The following DNHD1 variants were observed in gnomAD, a reference collection of about 807,000 sequenced individuals.
The protein encoded by DNHD1 is dynein heavy chain domain-containing protein 1.
DNHD1 carries 383 observed loss-of-function variants against 458.1 expected under a neutral mutation model. That is an observed-to-expected ratio of 0.84 (90% CI 0.77 to 0.91). The LOEUF (loss-of-function observed/expected upper bound fraction) is 0.91, where lower values mean the gene tolerates loss of function less well. DNHD1 is among the 40% of genes least tolerant of loss of function. The pLI is 0.00. For missense variants in DNHD1, 5,336 were observed against 5,866.1 expected (o/e 0.91, Z 2.95); for synonymous variants, 2,203 against 2,376.9 (o/e 0.93, Z 2.13).
rs370031934 is a variant in DNHD1 at position 6,567,324 on chromosome 11, G to A, written c.11815G>A (p.Ala3939Thr). ...TQVPLVGALG[A>T]LALLQATGKA... Reference sequence around the variant, plus strand: ...AGTACCCTTGGTGGGTGCATTGGGCGCTTTGGCTCTGCTGCAAGCAACAGG... The same window carrying A: ...AGTACCCTTGGTGGGTGCATTGGGCACTTTGGCTCTGCTGCAAGCAACAGG... Residue 3939 changes from alanine to threonine, a missense_variant, in exon 36 of 43, where the codon GCT (alanine) becomes ACT (threonine). Ala to Thr is a moderately conservative substitution (Grantham distance 58, BLOSUM62 0). Transcript: ENST00000254579. 1.4e-4 allele frequency: 233 copies of A among 1,613,936 alleles called. No individual in the cohort carries two copies. Among genetic ancestry groups the A allele is most frequent in the Non-Finnish European group, 1.1e-4 (124 of 1,179,906 alleles).
Position 6,559,209 on chromosome 11 carries a change from A to T in DNHD1, c.9445A>T (p.Met3149Leu), listed in dbSNP as rs1297810329. Residue 3149 changes from methionine (M) to leucine (L), a missense_variant, in exon 28 of 43, where the codon ATG becomes TTG. Around this residue, in one of 4 missense-constraint regions of DNHD1, gnomAD observed 3,932 missense variants for 4,365.6 expected, o/e 0.90. Coordinates refer to ENST00000254579, the MANE Select transcript of DNHD1 (RefSeq NM_144666.3). ...RVQNALENLR[M>L]LIKEHGTHAN... Reference sequence around the variant, plus strand: ...CCAGAATGCCTTGGAGAATCTGAGAATGCTGATTAAGGAGCACGGTACCCA... The same window carrying T: ...CCAGAATGCCTTGGAGAATCTGAGATTGCTGATTAAGGAGCACGGTACCCA... 1 of 1,551,552 alleles carries T rather than the reference A, an allele frequency of 6.4e-7. No individual in the cohort carries two copies. Among genetic ancestry groups the T allele is most frequent in the East Asian group, 2.4e-5 (1 of 40,932 alleles).
At chr11:6,508,814 C>T in intron 4 of DNHD1, 66 bp from the exon 5 acceptor site, 1 of 1,510,046 alleles carries the variant, frequency 6.6e-7, no homozygotes. Flanking sequence ...CCTGTATCCT[C>T]CTTTGGTCTC....
Position 6,571,493 on chromosome 11 carries a change from C to T in DNHD1, c.13911+70C>T. 4.7e-6 allele frequency: 7 copies of T among 1,475,948 alleles called. No individual in the cohort carries two copies. The highest frequency in any genetic ancestry group is 6.3e-6 in the Non-Finnish European group (7 of 1,106,598). 91.4% of individuals were successfully genotyped at this position (1,475,948 alleles called of 1,614,324 possible). A position where few individuals can be genotyped will look rare whatever the true frequency, so the allele number is the denominator to read the frequency against. Reference sequence around the variant, plus strand: ...GTCTCTAATTACACCTCGCAGTTACCCCTTCTTGGTGATCTTGCCCCCGGT... The same window carrying T: ...GTCTCTAATTACACCTCGCAGTTACTCCTTCTTGGTGATCTTGCCCCCGGT... On this transcript the variant is annotated intron_variant, in intron 42 of 42. Coordinates refer to ENST00000254579, the MANE Select transcript of DNHD1 (RefSeq NM_144666.3). The surrounding 1 kb of genome is among the most constrained non-coding windows in gnomAD (Gnocchi z 5.0).
At chr11:6,504,203 C>T (rs1048135329) in intron 4 of DNHD1, 1 of 152,200 alleles carries the variant, frequency 6.6e-6, no homozygotes, top group African/African-American at 2.4e-5. Flanking sequence ...CTGAGAGCAT[C>T]CTGCTGGTTA....
chr11:6,539,896 A>G lies in DNHD1; in HGVS notation c.3441A>G (p.Glu1147=), dbSNP rs1251210445. The stretch of plus-strand genomic sequence containing the variant: ...TCCAGGTCTGGCAGAATGAAAATGA[A>G]CGAATTCATGCCCAAGAGACTATAC... ...RINQVWQNEN[E]RIHAQETIRR... Residue 1147 remains glutamate, a synonymous_variant, in exon 18 of 43, where the codon GAA becomes GAG. Coordinates refer to ENST00000254579, the MANE Select transcript of DNHD1 (RefSeq NM_144666.3). 3 of 1,551,702 alleles carry G rather than the reference A, an allele frequency of 1.9e-6. No individual in the cohort carries two copies. Among genetic ancestry groups the G allele is most frequent in the Middle Eastern group, 3.3e-4 (2 of 5,992 alleles).
At chr11:6,516,367 G>C (rs73403002) in intron 7 of DNHD1, among the ~76,000 whole-genome samples, 229 of 143,410 alleles carry the variant, frequency 1.6e-3, no homozygotes, top group African/African-American at 5.8e-3. Context: ...AATCTTGGTT[G>C]GCTCACTGCA....
At chr11:6,527,926 T>C (rs1852742525) in intron 10 of DNHD1, among the ~76,000 whole-genome samples, 3 of 152,230 alleles carry the variant, frequency 2.0e-5, no homozygotes. Flanking sequence ...GACTGGCATG[T>C]TCAATATTCA....
chr11:6,538,508 A>G lies in DNHD1; in HGVS notation c.3124A>G (p.Lys1042Glu). 6.4e-7 allele frequency: 1 copy of G among 1,551,772 alleles called. No individual in the cohort carries two copies. Residue 1042 changes from lysine to glutamate, a missense_variant and splice_region_variant, in exon 15 of 43, where the codon AAG becomes GAG. Lys to Glu is a moderately conservative substitution (Grantham distance 56). Around this residue, in one of 4 missense-constraint regions of DNHD1, gnomAD observed 3,932 missense variants for 4,365.6 expected, o/e 0.90. Transcript: ENST00000254579. ...ISEWKCMAFA[K>E]FSPAMAQEKT... ...CGAGTGGAAGTGCATGGCTTTTGCC[A>G]AGGTGCTGACACCCTTCCTTGGAGC...
intron 7 of DNHD1, among the ~76,000 whole-genome samples, chr11:6,512,211 C>CT (rs11287049): frequency 0.074 from 6,770 of 91,528 alleles, 805 homozygotes; most frequent in Non-Finnish European, 0.095. Context: ...CTTTTTCTTT[C>CT]TTTTTTTTTT....
rs1853626632 is a variant in DNHD1 at position 6,563,492 on chromosome 11, G to A, written c.9780G>A (p.Met3260Ile). Residue 3260 changes from methionine to isoleucine, a missense_variant, in exon 30 of 43, where the codon ATG becomes ATA. Around this residue, in one of 4 missense-constraint regions of DNHD1, gnomAD observed 3,932 missense variants for 4,365.6 expected, o/e 0.90. Transcript: ENST00000254579. ...PESVVRVTDA[M>I]CDLFHHETGW... Reference sequence around the variant, plus strand: ...CTGTGGTCCGGGTAACTGATGCAATGTGTGACTTGTTCCACCATGAAACAG... The same window carrying A: ...CTGTGGTCCGGGTAACTGATGCAATATGTGACTTGTTCCACCATGAAACAG... The A allele has an allele frequency of 2.6e-6, 4 of 1,551,714 alleles. No individual in the cohort carries two copies. Among genetic ancestry groups the A allele is most frequent in the Non-Finnish European group, 3.5e-6 (4 of 1,146,996 alleles).
chr11:6,566,533 AC>A (rs1008283015), intron 34 of DNHD1, 53 bp from the exon 35 acceptor site: 1 of 1,593,240 alleles, frequency 6.3e-7, no homozygotes, highest in Non-Finnish European at 8.6e-7. Flanking sequence ...TGTCTACTCT[AC>A]CCCCTGGCTC....
chr11:6,528,404 G>GTGTGTGTGT lies in DNHD1; in HGVS notation c.1838-118_1838-117insTGTGTGTGT, dbSNP rs1852755294. ...TTAACTCACTCATGAGCAGCGAATG[G>GTGTGTGTGT]GTGTGTGTGTGTGTGTGTGTGTGTG... On this transcript the variant is annotated intron_variant, in intron 10 of 42. Coordinates refer to ENST00000254579, the MANE Select transcript of DNHD1 (RefSeq NM_144666.3). 1.8e-4 allele frequency: 161 copies of GTGTGTGTGT among 881,316 alleles called. No homozygotes were observed. In the South Asian group the frequency reaches 2.7e-3, roughly 15 times the overall value. 54.6% of individuals were successfully genotyped at this position (881,316 alleles called of 1,614,324 possible).
At chr11:6,570,427 T>C in intron 41 of DNHD1, 31 bp downstream of exon 41, 1 of 1,586,292 alleles carries the variant, frequency 6.3e-7, no homozygotes, top group Non-Finnish European at 8.6e-7. Context: ...TGTTTTGGGG[T>C]AGGGAATAGT....
chr11:6,567,394 C>T lies in DNHD1; in HGVS notation c.11885C>T (p.Ala3962Val). The change falls in exon 36 of 43, where the codon GCA (alanine) becomes GTA (valine). Residue 3962 changes from alanine to valine, a missense_variant. Ala to Val is a moderately conservative substitution (Grantham distance 64). Coordinates refer to ENST00000254579, the MANE Select transcript of DNHD1 (RefSeq NM_144666.3). The stretch of plus-strand genomic sequence containing the variant: ...AGACTGGCACTCTGGCCTGGACTAG[C>T]AGCCTCTCCCAGCACAGTCCACAGC... ...LERLALWPGL[A>V]ASPSTVHSKP... 1.2e-6 allele frequency: 2 copies of T among 1,613,656 alleles called. No individual in the cohort carries two copies. Among genetic ancestry groups the T allele is most frequent in the Non-Finnish European group, 1.7e-6 (2 of 1,179,728 alleles).
Position 6,498,939 on chromosome 11 carries a change from C to G in DNHD1, c.724C>G (p.Pro242Ala), listed in dbSNP as rs1484978577. Residue 242 changes from proline to alanine, a missense_variant, in exon 3 of 43, where the codon CCT becomes GCT. Physicochemically the swap from Pro to Ala is conservative, Grantham distance 27. Coordinates refer to ENST00000254579, the MANE Select transcript of DNHD1 (RefSeq NM_144666.3). The part of the protein sequence containing the change: ...SSDTDNAEVE[P>A]VGRKETRSQL... ...TGACACTGACAATGCAGAGGTGGAG[C>G]CTGTTGGAAGAAAAGAGACCAGGTA... 9 of 1,605,680 alleles carry G rather than the reference C, an allele frequency of 5.6e-6. No homozygotes were observed. Among genetic ancestry groups the G allele is most frequent in the South Asian group, 1.1e-5 (1 of 90,022 alleles).
At chr11:6,542,091 C>T (rs1455098887) in intron 18 of DNHD1, among the ~76,000 whole-genome samples, 1 of 152,202 alleles carries the variant, frequency 6.6e-6, no homozygotes, top group African/African-American at 2.4e-5. Flanking sequence ...TGGCACCCAG[C>T]CCCCTTGTTC....
At chr11:6,528,428 T>TGC in intron 10 of DNHD1, 94 bp from the exon 11 acceptor site, 6 of 1,323,220 alleles carry the variant, frequency 4.5e-6, no homozygotes, top group Non-Finnish European at 6.2e-6. Flanking sequence ...TGTGTGTGTG[T>TGC]GTGTGTGTAC....
rs1853263153 is a variant in DNHD1, at chr11:6,548,161, G to A, written c.6906-49G>A. 6.5e-7 allele frequency: 1 copy of A among 1,546,624 alleles called. No individual in the cohort carries two copies. Among genetic ancestry groups the A allele is most frequent in the African/African-American group, 1.4e-5 (1 of 72,920 alleles). ...GGAGTGTGTGAGTGTGTCATAAATGGAAGTGTTGTAACTGTCTGACGCTTT... is the reference window on the plus strand; with the variant it reads ...GGAGTGTGTGAGTGTGTCATAAATGAAAGTGTTGTAACTGTCTGACGCTTT... On this transcript the variant is annotated intron_variant, in intron 22 of 42. Transcript: ENST00000254579. The surrounding 1 kb of genome is among the most constrained non-coding windows in gnomAD (Gnocchi z 4.4).
At chr11:6,500,700 C>T (rs928557996) in intron 3 of DNHD1, among the ~76,000 whole-genome samples, 1 of 152,148 alleles carries the variant, frequency 6.6e-6, no homozygotes, top group Admixed American at 6.5e-5. Flanking sequence ...GCTTAATTTG[C>T]ATTACGTTCT....
Sources: allele counts gnomAD v4.1 joint callset (sites outside exome capture counted in the v4.1 genomes callset), GRCh38; gene constraint gnomAD v4.1.1; regional missense constraint gnomAD v4.1.1; non-coding constraint Gnocchi (gnomAD v3.1); transcripts MANE v1.5; gene names NCBI Gene and HGNC (gene_info 2026-07-23, HGNC 2026-07-21).